OLA1: variants seen among roughly 807,000 people sequenced by gnomAD.
The protein encoded by OLA1 is obg-like ATPase 1.
OLA1 carries 14 observed loss-of-function variants against 48.4 expected under a neutral mutation model. That is an observed-to-expected ratio of 0.29 (90% CI 0.19 to 0.45). OLA1 has a LOEUF of 0.45. OLA1 is among the 20% of genes least tolerant of loss of function. OLA1 has a pLI of 1.00. For synonymous variants in OLA1, 127 were observed against 150.4 expected, an observed-to-expected ratio of 0.84 and a Z score of 1.14; for missense variants, 325 against 467.1, an observed-to-expected ratio of 0.70 and a Z score of 2.80.
chr2:174,239,312 A>C (rs1056924766), intron 2 of OLA1, among the ~76,000 whole-genome samples: 1 of 152,228 alleles, frequency 6.6e-6, no homozygotes, highest in Non-Finnish European at 1.5e-5. Flanking sequence ...TCAGTGAAGA[A>C]ATCTGTCAGA....
At chr2:174,181,550 C>T (rs986927142) in intron 4 of OLA1, among the ~76,000 whole-genome samples, 1 of 152,128 alleles carries the variant, frequency 6.6e-6, no homozygotes, top group Non-Finnish European at 1.5e-5. Flanking sequence ...GCAGATTTCA[C>T]GTGCAAGTGG....
intron 9 of OLA1, chr2:174,079,305 G>GT (rs1684812937): frequency 2.9e-6 from 1 of 342,210 alleles, no homozygotes; most frequent in African/African-American, 2.1e-5. Flanking sequence ...GCGTGGCTTT[G>GT]TTTTTCCTAA....
chr2:174,193,256 A>G (rs1282863149), intron 4 of OLA1, among the ~76,000 whole-genome samples: 1 of 151,682 alleles, frequency 6.6e-6, no homozygotes, highest in Non-Finnish European at 1.5e-5. Flanking sequence ...TGCCCAGCTA[A>G]TTTCTGTATT....
chr2:174,184,304 G>A (rs1039795809), intron 4 of OLA1, among the ~76,000 whole-genome samples: 11 of 152,148 alleles, frequency 7.2e-5, no homozygotes, highest in African/African-American at 2.4e-4. Context: ...CTAATGGCAT[G>A]TAGTTATCAT....
chr2:174,227,162 T>G (rs1407160448), intron 3 of OLA1, among the ~76,000 whole-genome samples: 1 of 151,856 alleles, frequency 6.6e-6, no homozygotes, highest in African/African-American at 2.4e-5. Context: ...CCCACCATTT[T>G]GGGAGGATGA....
intron 7 of OLA1, among the ~76,000 whole-genome samples, chr2:174,104,586 A>G (rs913823753): frequency 6.6e-6 from 1 of 152,022 alleles, no homozygotes; most frequent in Non-Finnish European, 1.5e-5. Context: ...TTCTTGGCAT[A>G]TACCAGCATA....
chr2:174,178,650 C>G (rs908684283), intron 4 of OLA1, among the ~76,000 whole-genome samples: 1 of 151,906 alleles, frequency 6.6e-6, no homozygotes, highest in Non-Finnish European at 1.5e-5. Flanking sequence ...CATTTCAAAT[C>G]AAATATAGTA....
At chr2:174,228,161 T>C (rs1688654329) in intron 3 of OLA1, among the ~76,000 whole-genome samples, 1 of 152,182 alleles carries the variant, frequency 6.6e-6, no homozygotes, top group Non-Finnish European at 1.5e-5. Context: ...GGCAGTTAGA[T>C]ATAGAAATCT....
intron 7 of OLA1, among the ~76,000 whole-genome samples, chr2:174,100,454 G>T (rs912105535): frequency 4.6e-5 from 7 of 152,166 alleles, no homozygotes; most frequent in Admixed American, 4.6e-4. Context: ...GCCCAGGCTG[G>T]AGTGCAGTGG....
At chr2:174,219,655 C>T (rs969191203) in intron 4 of OLA1, among the ~76,000 whole-genome samples, 2 of 152,012 alleles carry the variant, frequency 1.3e-5, no homozygotes, top group Non-Finnish European at 2.9e-5. Flanking sequence ...GTCTTGAACT[C>T]AAGCAATCTG....
intron 2 of OLA1, among the ~76,000 whole-genome samples, chr2:174,240,853 A>C (rs1161207599): frequency 6.6e-6 from 1 of 152,182 alleles, no homozygotes; most frequent in Non-Finnish European, 1.5e-5. Context: ...AACTAGGCAG[A>C]CTTCTAGGAA....
rs1174747360 is a variant in OLA1, at chr2:174,091,869, C to CAA, written c.729-9807_729-9806dup. On this transcript the variant is annotated intron_variant, in intron 7 of 10. Transcript: ENST00000284719. ...CCTGGGAGACAGCGAGACTCTGCCT[C>CAA]AAAAAAAAAAAAAAAAAAAAAAAAA... Among the ~76,000 whole-genome samples the CAA allele has an allele frequency of 5.4e-3, 123 of 22,980 alleles. 31 individuals carry two copies. Among genetic ancestry groups the CAA allele is most frequent in the Non-Finnish European group, 8.3e-3 (86 of 10,402 alleles). The allele number at this position is 22,980 out of a possible 152,430, so 15.1% of individuals were successfully genotyped here.
At chr2:174,091,166 C>G (rs899419666) in intron 7 of OLA1, among the ~76,000 whole-genome samples, 3 of 152,066 alleles carry the variant, frequency 2.0e-5, no homozygotes, top group Non-Finnish European at 4.4e-5. Flanking sequence ...CTGAGTGACT[C>G]CAGGTGGTTA....
At chr2:174,182,456 G>T (rs12614861) in intron 4 of OLA1, among the ~76,000 whole-genome samples, 40,224 of 152,064 alleles carry the variant, frequency 0.26, 6,115 homozygotes, top group Non-Finnish European at 0.35. Context: ...AACCCAGGAG[G>T]TGTAGGTTGT....
intron 4 of OLA1, among the ~76,000 whole-genome samples, chr2:174,212,739 C>T (rs894004800): frequency 6.6e-6 from 1 of 151,954 alleles, no homozygotes; most frequent in Non-Finnish European, 1.5e-5. Flanking sequence ...GACACAAATA[C>T]ACACAGTAGC....
intron 7 of OLA1, among the ~76,000 whole-genome samples, chr2:174,097,277 G>A (rs2105350162): frequency 6.6e-6 from 1 of 152,288 alleles, no homozygotes; most frequent in South Asian, 2.1e-4. Context: ...CACAATGACT[G>A]GAAAAATACA....
chr2:174,179,081 C>A lies in OLA1; in HGVS notation c.374-37081G>T, dbSNP rs115900643. Among the ~76,000 whole-genome samples, 459 of 151,318 alleles carry A rather than the reference C, an allele frequency of 3.0e-3. 4 individuals carry two copies. Among genetic ancestry groups the A allele is most frequent in the African/African-American group, 1.0e-2 (413 of 41,320 alleles). On this transcript the variant is annotated intron_variant, in intron 4 of 10. Coordinates refer to ENST00000284719, the MANE Select transcript of OLA1 (RefSeq NM_013341.5). Reference sequence around the variant, plus strand: ...AGCAAATGCGAGTAGAGATTTTAACCAAAGATAATGCTTAAGTTAAAAGGA... The same window carrying A: ...AGCAAATGCGAGTAGAGATTTTAACAAAAGATAATGCTTAAGTTAAAAGGA...
At chr2:174,144,930 TAAAAAAAAAAAAA>T (rs71021671) in intron 4 of OLA1, among the ~76,000 whole-genome samples, 4 of 41,114 alleles carry the variant, frequency 9.7e-5, no homozygotes, top group Non-Finnish European at 1.2e-4. Flanking sequence ...AGACCCTGTT[TAAAAAAAAAAAAA>T]AAAAAAAAAT....
intron 4 of OLA1, among the ~76,000 whole-genome samples, chr2:174,168,388 CA>C (rs59269221): frequency 0.54 from 80,501 of 149,912 alleles, 21,981 homozygotes; most frequent in East Asian, 0.94. Flanking sequence ...AATACAAAAC[CA>C]AAAAAAAACA....
Sources: gnomAD v4.1 joint callset for allele counts (sites outside exome capture counted in the v4.1 genomes callset) on GRCh38, gnomAD v4.1.1 for gene constraint, MANE v1.5 for transcripts, NCBI Gene and HGNC (gene_info 2026-07-23, HGNC 2026-07-21) for gene names.